NNMT: variants seen among roughly 807,000 people sequenced by gnomAD.
The protein encoded by NNMT is nicotinamide N-methyltransferase.
A neutral mutation model predicts 11.7 loss-of-function variants in NNMT; 10 were observed. The ratio of observed to expected loss-of-function variants is 0.85; its 90% CI spans 0.53 to 1.45. The LOEUF (loss-of-function observed/expected upper bound fraction) is 1.45. Ranked by LOEUF, NNMT falls within the 40% of genes most tolerant of loss-of-function variation. NNMT has a pLI of 0.00. For synonymous variants in NNMT, 143 were observed against 133.8 expected, an observed-to-expected ratio of 1.07 and a Z score of -0.48; for missense variants, 381 against 319.4, an observed-to-expected ratio of 1.19 and a Z score of -1.47.
intron 2 of NNMT, among the ~76,000 whole-genome samples, chr11:114,298,896 A>T (rs938982230): frequency 6.6e-6 from 1 of 152,204 alleles, no homozygotes; most frequent in Admixed American, 6.5e-5. Context: ...TGTCTTTCTC[A>T]TATCCTTATG....
chr11:114,263,975 C>T (rs1945102160), intron 2 of NNMT, among the ~76,000 whole-genome samples: 2 of 152,110 alleles, frequency 1.3e-5, no homozygotes, highest in Admixed American at 1.3e-4. Context: ...TAATCCCTGC[C>T]ACTGACAAGC....
intron 2 of NNMT, among the ~76,000 whole-genome samples, chr11:114,272,730 T>C (rs1945180847): frequency 6.6e-6 from 1 of 152,206 alleles, no homozygotes; most frequent in African/African-American, 2.4e-5. Context: ...TCACTGTGGA[T>C]GGCTTCCAGA....
At chr11:114,262,554 C>G (rs1055286792) in intron 1 of NNMT, among the ~76,000 whole-genome samples, 2 of 152,198 alleles carry the variant, frequency 1.3e-5, no homozygotes, top group Non-Finnish European at 1.5e-5. Flanking sequence ...AACCAGTTCA[C>G]CAGCCAACCC....
At chr11:114,291,963 T>G (rs1945338506), upstream of NNMT, among the ~76,000 whole-genome samples, 1 of 152,188 alleles carries the variant, frequency 6.6e-6, no homozygotes, top group Admixed American at 6.6e-5. Context: ...TTCTCTGTCT[T>G]TATCTGTTTA....
intron 2 of NNMT, among the ~76,000 whole-genome samples, chr11:114,287,432 G>A (rs557201710): frequency 2.2e-4 from 34 of 152,056 alleles, no homozygotes; most frequent in African/African-American, 7.2e-4. Flanking sequence ...ATGTGAGGTG[G>A]GGTTCTAATT....
chr11:114,309,556 C>T (rs1303486981), intron 2 of NNMT, among the ~76,000 whole-genome samples: 1 of 150,142 alleles, frequency 6.7e-6, no homozygotes, highest in African/African-American at 2.4e-5. Context: ...GGAATTCCCC[C>T]AAATCAACAC....
rs186907629 is a variant in NNMT, at chr11:114,281,149, G to C, written c.-129-15279G>C. ...TGGCCTCTGGAGGAGAATTCTTCCAGCCTCTCTCTGCTGTAGTAAAAACCT... is the reference window on the plus strand; with the variant it reads ...TGGCCTCTGGAGGAGAATTCTTCCACCCTCTCTCTGCTGTAGTAAAAACCT... On this transcript the variant is annotated intron_variant, in intron 2 of 4. Coordinates refer to the NNMT transcript ENST00000535401. 3.3e-3 allele frequency among the ~76,000 whole-genome samples: 500 copies of C among 152,268 alleles called. 1 individual carries two copies. Among genetic ancestry groups the C allele is most frequent in the African/African-American group, 0.011 (477 of 41,560 alleles).
intron 2 of NNMT, among the ~76,000 whole-genome samples, chr11:114,286,105 T>A (rs1945297454): frequency 6.6e-6 from 1 of 152,160 alleles, no homozygotes; most frequent in East Asian, 1.9e-4. Context: ...TTAGTACCAT[T>A]GAGTACCATT....
At chr11:114,292,372 T>G (rs1188704081), upstream of NNMT, among the ~76,000 whole-genome samples, 1 of 152,362 alleles carries the variant, frequency 6.6e-6, no homozygotes, top group South Asian at 2.1e-4. Flanking sequence ...GTTCACACTT[T>G]TGGTTTGTAT....
chr11:114,290,490 C>T (rs186580665), intron 2 of NNMT, among the ~76,000 whole-genome samples: 6 of 152,256 alleles, frequency 3.9e-5, no homozygotes, highest in Non-Finnish European at 1.5e-5. Flanking sequence ...CACTAAGCAC[C>T]AGTGAGGGAA....
upstream of NNMT, among the ~76,000 whole-genome samples, chr11:114,295,600 AT>A (rs979180074): frequency 2.3e-4 from 33 of 143,898 alleles, no homozygotes; most frequent in Non-Finnish European, 1.7e-4. Context: ...AATTTTTTGT[AT>A]TTTTTTTTTA....
At chr11:114,261,328 T>C (rs566889178) in intron 1 of NNMT, among the ~76,000 whole-genome samples, 173 of 152,294 alleles carry the variant, frequency 1.1e-3, no homozygotes, top group Non-Finnish European at 2.1e-3. Flanking sequence ...ACGCCTGTAA[T>C]CCCAGCACTT....
rs1565730119 is a variant in NNMT, at chr11:114,312,323, T to A, written c.641T>A (p.Leu214His). The change falls in exon 3 of 3, where the codon CTC (leucine) becomes CAC (histidine). Residue 214 changes from leucine (L) to histidine (H), a missense_variant. Leu to His is a moderately conservative substitution (Grantham distance 99). Coordinates refer to ENST00000299964, the MANE Select transcript of NNMT (RefSeq NM_006169.3). The part of the protein sequence containing the change: ...YMIGEQKFSS[L>H]PLGREAVEAA... ...ATTGGTGAGCAGAAGTTCTCCAGCCTCCCCCTGGGCCGGGAGGCAGTAGAG... is the reference window on the plus strand; with the variant it reads ...ATTGGTGAGCAGAAGTTCTCCAGCCACCCCCTGGGCCGGGAGGCAGTAGAG... 1.2e-6 allele frequency: 2 copies of A among 1,614,058 alleles called. No homozygotes were observed. Among genetic ancestry groups the A allele is most frequent in the East Asian group, 4.5e-5 (2 of 44,878 alleles).
At chr11:114,258,495 G>C (rs1591822223) in intron 1 of NNMT, among the ~76,000 whole-genome samples, 1 of 152,254 alleles carries the variant, frequency 6.6e-6, no homozygotes, top group Admixed American at 6.5e-5. Context: ...GCCTTCCCAT[G>C]TGGGAGCCCC....
intron 2 of NNMT, among the ~76,000 whole-genome samples, chr11:114,309,592 T>G (rs1413227361): frequency 6.6e-6 from 1 of 152,150 alleles, no homozygotes; most frequent in Non-Finnish European, 1.5e-5. Context: ...TCTCTCTCTC[T>G]CTCTCTTTTA....
chr11:114,312,496 A>C lies in NNMT; in HGVS notation c.*19A>C. ...CCTGTGATGCCTGTGACCTCAATTAAAGCAATTCCTTTGACCTGTCCAGTT... is the reference window on the plus strand; with the variant it reads ...CCTGTGATGCCTGTGACCTCAATTACAGCAATTCCTTTGACCTGTCCAGTT... On this transcript the variant is annotated 3_prime_UTR_variant, in exon 3 of 3. Transcript: ENST00000299964. 6.2e-7 allele frequency: 1 copy of C among 1,604,270 alleles called. No individual in the cohort carries two copies. The highest frequency in any genetic ancestry group is 8.5e-7 in the Non-Finnish European group (1 of 1,174,544).
rs1555163658 is a variant in NNMT, at chr11:114,259,357, GGA to G, written c.-217+1481_-217+1482del. 1.3e-3 allele frequency among the ~76,000 whole-genome samples: 194 copies of G among 150,432 alleles called. 13 individuals are homozygous for G. Among genetic ancestry groups the G allele is most frequent in the African/African-American group, 4.4e-3 (178 of 40,154 alleles). On this transcript the variant is annotated intron_variant, in intron 1 of 4. Transcript: ENST00000535401. ...CACGCAGAGGCCCAGTGGGGGGGGG[GGA>G]GCTCCTGCATCCCCACACCTGTGCT...
At chr11:114,307,805 T>C (rs898173522) in intron 2 of NNMT, among the ~76,000 whole-genome samples, 2 of 151,944 alleles carry the variant, frequency 1.3e-5, no homozygotes, top group African/African-American at 2.4e-5. Flanking sequence ...TGCTTCAGTC[T>C]GGTTAACTCC....
Position 114,258,788 on chromosome 11 carries a change from T to C in NNMT, c.-217+910T>C, listed in dbSNP as rs185499885. Among the ~76,000 whole-genome samples, 5 of 152,306 alleles carry C rather than the reference T, an allele frequency of 3.3e-5. No homozygotes were observed. In the East Asian group the frequency reaches 9.7e-4, roughly 29 times the overall value. ...ACCCAACTTCGTCTTAAGATCACTC[T>C]TGAGCCCCTCGGCCAACCCCTACTC... On this transcript the variant is annotated intron_variant, in intron 1 of 4. Coordinates refer to the NNMT transcript ENST00000535401.
Sources: gnomAD v4.1 joint callset for allele counts (sites outside exome capture counted in the v4.1 genomes callset) on GRCh38, gnomAD v4.1.1 for gene constraint, MANE v1.5 for transcripts, NCBI Gene and HGNC (gene_info 2026-07-23, HGNC 2026-07-21) for gene names.